KIF18A: variants seen among roughly 807,000 people sequenced by gnomAD.
KIF18A encodes kinesin family member 18A, also known as kinesin-like protein KIF18A.
KIF18A carries 67 observed loss-of-function variants against 103.3 expected under a neutral mutation model. That is an observed-to-expected ratio of 0.65 (90% CI 0.53 to 0.79). KIF18A has a LOEUF of 0.79. Among genes scored for constraint, KIF18A ranks in the 30% least tolerant of loss-of-function variants. The pLI is 0.00. For synonymous variants in KIF18A, 367 were observed against 355.5 expected, an observed-to-expected ratio of 1.03 and a Z score of -0.36; for missense variants, 1,032 against 1,062.5, an observed-to-expected ratio of 0.97 and a Z score of 0.40.
At chr11:28,069,957 A>G (rs1014105367) in intron 10 of KIF18A, among the ~76,000 whole-genome samples, 4 of 152,208 alleles carry the variant, frequency 2.6e-5, no homozygotes, top group Non-Finnish European at 5.9e-5. Context: ...TTGGTTCAGG[A>G]GCCATAATGA....
intron 9 of KIF18A, 92 bp from the exon 10 acceptor site, chr11:28,077,261 T>G (rs1851106086): frequency 1.2e-6 from 1 of 834,406 alleles, no homozygotes; most frequent in African/African-American, 1.8e-5. Context: ...CAAAGGAATA[T>G]ATGTAATTCA....
At chr11:28,069,014 C>G (rs1850974200) in intron 11 of KIF18A, among the ~76,000 whole-genome samples, 1 of 152,098 alleles carries the variant, frequency 6.6e-6, no homozygotes, top group African/African-American at 2.4e-5. Context: ...ATCAAGATTT[C>G]AAACAAATTA....
rs16917685 is a variant in KIF18A, at chr11:28,040,882, T to G, written c.1949-4218A>C. On this transcript the variant is annotated intron_variant, in intron 13 of 16. Transcript: ENST00000263181. ...CCATTTCTATTACCTTGAATGATTA[T>G]GACCCATGGGATGTAAGTGAATAGG... Among the ~76,000 whole-genome samples the G allele has an allele frequency of 9.7e-3, 1,479 of 151,920 alleles. 7 individuals are homozygous for G. The highest frequency in any genetic ancestry group is 0.015 in the Non-Finnish European group (1,018 of 67,842).
At chr11:28,040,651 C>T (rs976299055) in intron 13 of KIF18A, among the ~76,000 whole-genome samples, 5 of 151,640 alleles carry the variant, frequency 3.3e-5, no homozygotes, top group Non-Finnish European at 5.9e-5. Context: ...TGTTATAAGG[C>T]ACGCTCTTGC....
intron 13 of KIF18A, among the ~76,000 whole-genome samples, chr11:28,046,947 G>A (rs1850643625): frequency 6.6e-6 from 1 of 150,460 alleles, no homozygotes; most frequent in Admixed American, 6.6e-5. Context: ...CCAGCTATTT[G>A]GGAGGCTGAG....
intron 7 of KIF18A, among the ~76,000 whole-genome samples, chr11:28,083,851 C>T (rs544741285): frequency 6.6e-6 from 1 of 152,050 alleles, no homozygotes; most frequent in African/African-American, 2.4e-5. Flanking sequence ...TGACCTTTTA[C>T]AATTAATTAT....
At chr11:28,049,634 A>T (rs1214468209) in intron 13 of KIF18A, among the ~76,000 whole-genome samples, 1 of 152,034 alleles carries the variant, frequency 6.6e-6, no homozygotes, top group Non-Finnish European at 1.5e-5. Flanking sequence ...TTTGCAAGCA[A>T]GCACTCCTGT....
At chr11:28,059,511 A>G (rs1850831422) in intron 12 of KIF18A, among the ~76,000 whole-genome samples, 1 of 152,136 alleles carries the variant, frequency 6.6e-6, no homozygotes, top group Non-Finnish European at 1.5e-5. Context: ...ATCTCATTGC[A>G]GCCTCGAACT....
chr11:28,071,509 TTTA>T (rs1230230395), intron 10 of KIF18A, among the ~76,000 whole-genome samples: 5 of 149,256 alleles, frequency 3.3e-5, no homozygotes, highest in South Asian at 2.1e-4. Context: ...TAATATAATT[TTTA>T]TTATTTACAA....
intron 12 of KIF18A, among the ~76,000 whole-genome samples, chr11:28,060,309 G>A (rs1241442214): frequency 1.3e-5 from 2 of 152,190 alleles, no homozygotes; most frequent in Non-Finnish European, 2.9e-5. Flanking sequence ...TAACATCGAG[G>A]AGAAGAGAAC....
Position 28,078,137 on chromosome 11 carries a change from G to A in KIF18A, c.1263-968C>T, listed in dbSNP as rs957206233. Among the ~76,000 whole-genome samples, 3 of 152,088 alleles carry A rather than the reference G, an allele frequency of 2.0e-5. No individual in the cohort carries two copies. In the East Asian group the frequency reaches 5.8e-4, roughly 29 times the overall value. ...CATTTAAAAAAAATGTTCTAAACTGGCCAGAATTTTAGATATACTCATAAG... is the reference window on the plus strand; with the variant it reads ...CATTTAAAAAAAATGTTCTAAACTGACCAGAATTTTAGATATACTCATAAG... On this transcript the variant is annotated intron_variant, in intron 9 of 16. Transcript: ENST00000263181.
chr11:28,067,759 A>AT (rs1850953361), intron 11 of KIF18A, among the ~76,000 whole-genome samples: 1 of 152,122 alleles, frequency 6.6e-6, no homozygotes, highest in Non-Finnish European at 1.5e-5. Context: ...GACTGTAGAT[A>AT]TTTTTTCTTT....
intron 5 of KIF18A, among the ~76,000 whole-genome samples, chr11:28,089,499 T>C (rs1396608602): frequency 6.6e-6 from 1 of 152,238 alleles, no homozygotes; most frequent in Non-Finnish European, 1.5e-5. Context: ...TATTTTCATA[T>C]GACTGGCAGT....
intron 13 of KIF18A, among the ~76,000 whole-genome samples, chr11:28,058,348 T>C (rs927646133): frequency 6.6e-6 from 1 of 151,576 alleles, no homozygotes; most frequent in Non-Finnish European, 1.5e-5. Context: ...AGCAAAATTG[T>C]TCCATCAAAA....
intron 12 of KIF18A, among the ~76,000 whole-genome samples, 192 bp downstream of exon 12, chr11:28,062,203 T>C (rs961062174): frequency 5.9e-5 from 9 of 152,120 alleles, no homozygotes; most frequent in African/African-American, 2.2e-4. Flanking sequence ...AAAAACACTT[T>C]CAAATTTATA....
chr11:28,102,960 A>C (rs1362208633), intron 1 of KIF18A, among the ~76,000 whole-genome samples: 1 of 152,196 alleles, frequency 6.6e-6, no homozygotes, highest in Non-Finnish European at 1.5e-5. Context: ...AAGCAGCAAA[A>C]GAAAAGCCTA....
intron 11 of KIF18A, among the ~76,000 whole-genome samples, chr11:28,065,786 T>C (rs1308668457): frequency 6.6e-6 from 1 of 152,024 alleles, no homozygotes; most frequent in Non-Finnish European, 1.5e-5. Flanking sequence ...GGAATGCTGA[T>C]TACATGGACA....
chr11:28,088,734 A>G lies in KIF18A; in HGVS notation c.700-13T>C. ...GTCGCAAGTAAATCTTTTTGAAATT[A>G]CAAAATAGAAAAAAATGAGGATAAG... On this transcript the variant is annotated splice_polypyrimidine_tract_variant and intron_variant, in intron 5 of 16. Transcript: ENST00000263181. The G allele has an allele frequency of 6.3e-7, 1 of 1,598,476 alleles. No individual in the cohort carries two copies. The highest frequency in any genetic ancestry group is 8.6e-7 in the Non-Finnish European group (1 of 1,168,118).
chr11:28,100,562 G>GT (rs990055195), intron 1 of KIF18A, among the ~76,000 whole-genome samples: 6 of 9,286 alleles, frequency 6.5e-4, no homozygotes, highest in Non-Finnish European at 1.4e-3. Flanking sequence ...TGTGAGTGAA[G>GT]GGGGGGGGTG....
Sources: gnomAD v4.1 joint callset for allele counts (sites outside exome capture counted in the v4.1 genomes callset) on GRCh38, gnomAD v4.1.1 for gene constraint, MANE v1.5 for transcripts, NCBI Gene and HGNC (gene_info 2026-07-23, HGNC 2026-07-21) for gene names.